Variants in MYRIP observed in about 807,000 individuals in gnomAD.
The protein encoded by MYRIP is myosin VIIA and Rab interacting protein.
In MYRIP, 49 loss-of-function variants were observed where a neutral mutation model predicts 98.0. The ratio of observed to expected loss-of-function variants is 0.50; its 90% CI spans 0.40 to 0.63. The LOEUF (loss-of-function observed/expected upper bound fraction) is 0.63. Among genes scored for constraint, MYRIP ranks in the 30% least tolerant of loss-of-function variants. The pLI is 0.00. For synonymous variants in MYRIP, 404 were observed against 409.5 expected (o/e 0.99, Z 0.16); for missense variants, 1,004 against 1,058.2 (o/e 0.95, Z 0.71).
At chr3:40,199,351 T>G (rs907209888) in intron 10 of MYRIP, among the ~76,000 whole-genome samples, 11 of 152,174 alleles carry the variant, frequency 7.2e-5, no homozygotes, top group African/African-American at 2.7e-4. Context: ...GGGGCCAAAA[T>G]GCACTGACCT....
intron 2 of MYRIP, among the ~76,000 whole-genome samples, chr3:39,946,288 T>C (rs1944899608): frequency 6.6e-6 from 1 of 152,104 alleles, no homozygotes; most frequent in African/African-American, 2.4e-5. Flanking sequence ...AATAAAGAAA[T>C]GAACATTGTG....
At chr3:39,968,584 C>A (rs965705073) in intron 2 of MYRIP, among the ~76,000 whole-genome samples, 2 of 152,166 alleles carry the variant, frequency 1.3e-5, no homozygotes, top group Non-Finnish European at 1.5e-5. Flanking sequence ...AATAGAGAGT[C>A]TTTTCCCCAT....
intron 1 of MYRIP, among the ~76,000 whole-genome samples, chr3:39,887,424 A>G (rs1943338882): frequency 6.6e-6 from 1 of 152,190 alleles, no homozygotes; most frequent in Non-Finnish European, 1.5e-5. Context: ...AAGGATCAAC[A>G]AAATTGATAA....
chr3:39,867,467 C>T (rs539634871), intron 1 of MYRIP, among the ~76,000 whole-genome samples: 1 of 126,194 alleles, frequency 7.9e-6, no homozygotes, highest in South Asian at 2.7e-4. Flanking sequence ...TTATATAATG[C>T]AATAGCAAAA....
intron 8 of MYRIP, among the ~76,000 whole-genome samples, chr3:40,176,318 T>G (rs1950756641): frequency 6.6e-6 from 1 of 152,218 alleles, no homozygotes; most frequent in South Asian, 2.1e-4. Context: ...TTTCAAGTGC[T>G]CAGTAGCACC....
chr3:40,192,171 G>A (rs539397097), intron 10 of MYRIP, among the ~76,000 whole-genome samples: 2 of 149,744 alleles, frequency 1.3e-5, no homozygotes, highest in South Asian at 4.3e-4. Context: ...TGCCCAGGCT[G>A]GTCTCAAGCT....
intron 3 of MYRIP, among the ~76,000 whole-genome samples, chr3:40,139,903 T>A (rs1409957792): frequency 2.0e-5 from 3 of 152,210 alleles, no homozygotes; most frequent in Admixed American, 2.0e-4. Context: ...TATTGTTGAA[T>A]AATAGTCCAT....
At chr3:40,050,532 A>T (rs1947772976) in intron 3 of MYRIP, among the ~76,000 whole-genome samples, 1 of 152,110 alleles carries the variant, frequency 6.6e-6, no homozygotes, top group South Asian at 2.1e-4. Flanking sequence ...GGGAGCTCTG[A>T]TGAAAATATA....
intron 10 of MYRIP, among the ~76,000 whole-genome samples, chr3:40,192,888 T>A (rs138852950): frequency 6.6e-6 from 1 of 152,348 alleles, no homozygotes; most frequent in Non-Finnish European, 1.5e-5. Flanking sequence ...TTGCCCATCA[T>A]GCTTCTACAT....
intron 1 of MYRIP, among the ~76,000 whole-genome samples, chr3:39,849,734 G>A (rs1406890418): frequency 6.6e-6 from 1 of 152,186 alleles, no homozygotes; most frequent in Non-Finnish European, 1.5e-5. Flanking sequence ...TCAGATGAGA[G>A]TTTCTTCTAC....
At chr3:39,984,643 T>C (rs1945986359) in intron 2 of MYRIP, among the ~76,000 whole-genome samples, 1 of 152,200 alleles carries the variant, frequency 6.6e-6, no homozygotes, top group Non-Finnish European at 1.5e-5. Context: ...ACATTTGGGT[T>C]GGTTCCAAGT....
intron 11 of MYRIP, among the ~76,000 whole-genome samples, chr3:40,218,612 T>TTTATATATATATATATATA (rs1337574787): frequency 1.5e-4 from 2 of 13,568 alleles, no homozygotes; most frequent in South Asian, 2.8e-3. Context: ...TATATATATT[T>TTTATATATATATATATATA]TATATATATA....
At chr3:40,055,061 ACT>A (rs1017846733) in intron 3 of MYRIP, among the ~76,000 whole-genome samples, 5 of 152,078 alleles carry the variant, frequency 3.3e-5, no homozygotes, top group African/African-American at 1.2e-4. Context: ...GTCATCACTG[ACT>A]CTGCTTATTT....
chr3:39,900,581 G>T (rs1226516537), intron 1 of MYRIP, among the ~76,000 whole-genome samples: 1 of 151,858 alleles, frequency 6.6e-6, no homozygotes, highest in Non-Finnish European at 1.5e-5. Context: ...TGATGAAACT[G>T]GCAAATGACC....
chr3:40,032,801 A>T (rs1412035297), intron 2 of MYRIP, among the ~76,000 whole-genome samples: 1 of 152,192 alleles, frequency 6.6e-6, no homozygotes, highest in African/African-American at 2.4e-5. Flanking sequence ...CTTGATGAAA[A>T]TTGATGCAAA....
chr3:39,995,462 T>A (rs1946321878), intron 2 of MYRIP, among the ~76,000 whole-genome samples: 2 of 151,956 alleles, frequency 1.3e-5, no homozygotes, highest in African/African-American at 4.8e-5. Context: ...ATGAATGAAA[T>A]GAAGCAAGAA....
chr3:40,112,281 C>T (rs1054060315), intron 3 of MYRIP, among the ~76,000 whole-genome samples: 1 of 151,348 alleles, frequency 6.6e-6, no homozygotes, highest in African/African-American at 2.4e-5. Context: ...GGAAGAAGAG[C>T]AAAGGGAGGG....
intron 3 of MYRIP, among the ~76,000 whole-genome samples, chr3:40,105,663 G>A (rs1949037920): frequency 6.6e-6 from 1 of 152,098 alleles, no homozygotes; most frequent in African/African-American, 2.4e-5. Context: ...AAGGAAAGAG[G>A]TTTAATTGAC....
chr3:39,870,414 C>T (rs981569020), intron 1 of MYRIP, among the ~76,000 whole-genome samples: 3 of 152,158 alleles, frequency 2.0e-5, no homozygotes, highest in African/African-American at 7.2e-5. Context: ...AGAGAATTCT[C>T]AAATGATACA....
Sources: gnomAD v4.1 joint callset for allele counts (sites outside exome capture counted in the v4.1 genomes callset) on GRCh38, gnomAD v4.1.1 for gene constraint, MANE v1.5 for transcripts, NCBI Gene and HGNC (gene_info 2026-07-23, HGNC 2026-07-21) for gene names.